MGMT: variants seen among roughly 807,000 people sequenced by gnomAD.
MGMT encodes the protein methylated-DNA--protein-cysteine methyltransferase.
A neutral mutation model predicts 15.9 loss-of-function variants in MGMT; 14 were observed. That is an observed-to-expected ratio of 0.88 (90% confidence interval 0.58 to 1.37). The LOEUF (loss-of-function observed/expected upper bound fraction) is 1.37, where lower values mean the gene tolerates loss of function less well. Among genes scored for constraint, MGMT ranks in the 40% most tolerant of loss-of-function variants. MGMT has a pLI of 0.00. For synonymous variants in MGMT, 130 were observed against 118.2 expected, an observed-to-expected ratio of 1.10 and a Z score of -0.65; for missense variants, 282 against 268.1, an observed-to-expected ratio of 1.05 and a Z score of -0.36.
At chr10:129,707,444 C>T (rs890393290) in intron 2 of MGMT, among the ~76,000 whole-genome samples, 6 of 151,938 alleles carry the variant, frequency 3.9e-5, no homozygotes, top group Non-Finnish European at 8.8e-5. Flanking sequence ...CTGAGGAATC[C>T]CCTGAACACA....
rs1174242179 is a variant in MGMT at position 129,768,013 on chromosome 10, T to C, written c.*1016T>C. On this transcript the variant is annotated 3_prime_UTR_variant, in exon 5 of 5. Transcript: ENST00000651593. ...ACCTGTAGCTCTGCATATGGAGAAATAAAACAGAGCATATGATGTATAGAG... is the reference window on the plus strand; with the variant it reads ...ACCTGTAGCTCTGCATATGGAGAAACAAAACAGAGCATATGATGTATAGAG... 3 of 152,194 alleles carry C rather than the reference T, an allele frequency of 2.0e-5. No individual in the cohort carries two copies. 9.4% of individuals were successfully genotyped at this position (152,194 alleles called of 1,614,324 possible).
intron 2 of MGMT, among the ~76,000 whole-genome samples, chr10:129,673,871 A>G (rs1030696555): frequency 1.3e-5 from 2 of 152,174 alleles, no homozygotes; most frequent in Admixed American, 1.3e-4. Flanking sequence ...CTGCCTTTCT[A>G]CCTTTCTTTC....
chr10:129,702,322 A>T (rs1564766570), intron 2 of MGMT, among the ~76,000 whole-genome samples: 1 of 152,194 alleles, frequency 6.6e-6, no homozygotes, highest in Non-Finnish European at 1.5e-5. Flanking sequence ...TGTCACATGT[A>T]CACACGCCCA....
intron 3 of MGMT, among the ~76,000 whole-genome samples, chr10:129,754,535 G>T (rs1458174499): frequency 6.6e-6 from 1 of 152,146 alleles, no homozygotes; most frequent in Non-Finnish European, 1.5e-5. Context: ...CACCAAAAAG[G>T]GATGATTCCT....
intron 2 of MGMT, among the ~76,000 whole-genome samples, chr10:129,673,649 C>G (rs1345923400): frequency 1.3e-5 from 2 of 152,118 alleles, no homozygotes; most frequent in East Asian, 1.9e-4. Context: ...GATGCCCATT[C>G]AGGGGTTGCA....
rs967109269 is a variant in MGMT, at chr10:129,531,571, C to T, written c.-12-4670C>T. Among the ~76,000 whole-genome samples, 7 of 152,178 alleles carry T rather than the reference C, an allele frequency of 4.6e-5. No individual in the cohort carries two copies. The East Asian group carries it at 1.4e-3, about 30-fold the overall frequency. ...ATCGCATCAGAGACGCTGCCGTGCT[C>T]GGTGGCCTGGGGCTTCTGTCCTGTA... is the stretch of plus-strand genomic sequence containing the variant. On this transcript the variant is annotated intron_variant, in intron 1 of 4. Transcript: ENST00000651593.
chr10:129,632,271 T>G (rs1274450101), intron 2 of MGMT, among the ~76,000 whole-genome samples: 5 of 152,232 alleles, frequency 3.3e-5, no homozygotes, highest in African/African-American at 1.2e-4. Flanking sequence ...TGTACCAAAT[T>G]GTGCTGTCAT....
At chr10:129,652,119 T>C (rs2133098378) in intron 2 of MGMT, among the ~76,000 whole-genome samples, 1 of 152,096 alleles carries the variant, frequency 6.6e-6, no homozygotes, top group South Asian at 2.1e-4. Flanking sequence ...CTTGTGTGAA[T>C]GGGGGAGTTA....
intron 3 of MGMT, 142 bp from the exon 4 acceptor site, chr10:129,759,060 A>C: frequency 9.7e-7 from 1 of 1,025,740 alleles, no homozygotes. Context: ...TGGTGGCAGC[A>C]GTGCATGGAG....
intron 1 of MGMT, among the ~76,000 whole-genome samples, chr10:129,501,951 G>T (rs1415802498): frequency 1.3e-5 from 2 of 152,200 alleles, no homozygotes; most frequent in Non-Finnish European, 2.9e-5. Flanking sequence ...GTGCTTCTTG[G>T]TAGATGTGTG....
At chr10:129,470,253 G>A (rs1845215557) in intron 1 of MGMT, among the ~76,000 whole-genome samples, 1 of 152,174 alleles carries the variant, frequency 6.6e-6, no homozygotes, top group Non-Finnish European at 1.5e-5. Flanking sequence ...AGCTCTGCAG[G>A]CCTGTCTTGG....
At chr10:129,494,556 G>A (rs1003042175) in intron 1 of MGMT, among the ~76,000 whole-genome samples, 3 of 152,206 alleles carry the variant, frequency 2.0e-5, no homozygotes, top group Non-Finnish European at 2.9e-5. Context: ...TGCAATGATG[G>A]AAATGTTCTG....
intron 2 of MGMT, among the ~76,000 whole-genome samples, chr10:129,620,563 C>T (rs546958654): frequency 6.6e-6 from 1 of 152,308 alleles, no homozygotes; most frequent in South Asian, 2.1e-4. Flanking sequence ...TGTGCTGGCT[C>T]CTTAACAGTA....
intron 2 of MGMT, among the ~76,000 whole-genome samples, chr10:129,574,216 A>C (rs1053922024): frequency 6.6e-6 from 1 of 152,194 alleles, no homozygotes; most frequent in Non-Finnish European, 1.5e-5. Context: ...TGGGGAAAAA[A>C]CTATCACTTT....
intron 2 of MGMT, among the ~76,000 whole-genome samples, chr10:129,636,642 G>C (rs149755585): frequency 3.0e-3 from 454 of 152,232 alleles, no homozygotes; most frequent in African/African-American, 0.01. Flanking sequence ...TTCCACTGTT[G>C]ATTTCCTGTG....
intron 1 of MGMT, among the ~76,000 whole-genome samples, chr10:129,485,489 A>C (rs1845399217): frequency 6.6e-6 from 1 of 152,154 alleles, no homozygotes. Context: ...GTTTTATATA[A>C]AAGTTGAGCA....
chr10:129,724,424 G>A (rs1016184734), intron 3 of MGMT, among the ~76,000 whole-genome samples: 3 of 152,214 alleles, frequency 2.0e-5, no homozygotes, highest in Non-Finnish European at 4.4e-5. Context: ...ATGAGGGAAT[G>A]TTCTAGACCA....
At chr10:129,684,257 A>G (rs1367113514) in intron 2 of MGMT, among the ~76,000 whole-genome samples, 1 of 152,220 alleles carries the variant, frequency 6.6e-6, no homozygotes, top group African/African-American at 2.4e-5. Flanking sequence ...GTTTGGGTGC[A>G]TAAATCAAGC....
At chr10:129,611,073 A>G (rs1235788569) in intron 2 of MGMT, among the ~76,000 whole-genome samples, 1 of 152,208 alleles carries the variant, frequency 6.6e-6, no homozygotes, top group Non-Finnish European at 1.5e-5. Context: ...GGTGCACAGG[A>G]TGAAAGAACA....
Sources: gnomAD v4.1 joint callset for allele counts (sites outside exome capture counted in the v4.1 genomes callset) on GRCh38, gnomAD v4.1.1 for gene constraint, MANE v1.5 for transcripts, NCBI Gene and HGNC (gene_info 2026-07-23, HGNC 2026-07-21) for gene names.